LRRC41: variants seen among roughly 807,000 people sequenced by gnomAD.
LRRC41 encodes the protein leucine-rich repeat-containing protein 41.
A neutral mutation model predicts 72.1 loss-of-function variants in LRRC41; 17 were observed. That is an observed-to-expected ratio of 0.24 (90% CI 0.16 to 0.35). The LOEUF is 0.35. Among genes scored for constraint, LRRC41 ranks in the 10% least tolerant of loss-of-function variants. LRRC41 has a pLI of 1.00. For missense variants in LRRC41, 759 were observed against 1,065.0 expected (o/e 0.71, Z 4.00); for synonymous variants, 427 against 431.0 (o/e 0.99, Z 0.11).
chr1:46,288,866 C>G (rs374639479), intron 3 of LRRC41, among the ~76,000 whole-genome samples: 8 of 152,208 alleles, frequency 5.3e-5, no homozygotes, highest in African/African-American at 1.9e-4. Flanking sequence ...TGAGTGAAGG[C>G]AAAGAAGGTA....
chr1:46,279,559 A>G lies in LRRC41; in HGVS notation c.2076T>C (p.Pro692=), dbSNP rs1451149715. The G allele has an allele frequency of 6.2e-7, 1 of 1,614,136 alleles. No homozygotes were observed. Among genetic ancestry groups the G allele is most frequent in the Non-Finnish European group, 8.5e-7 (1 of 1,179,992 alleles). Residue 692 remains proline, a synonymous_variant, in exon 8 of 10, where the codon CCT becomes CCC. Coordinates refer to ENST00000617190, the MANE Select transcript of LRRC41 (RefSeq NM_006369.5). The surrounding 1 kb of genome is among the most constrained non-coding windows in gnomAD (Gnocchi z 4.5). ...TGCCCTTCATAGCAGCAACCATCTC[A>G]GGCAGAAATTGGGCTGGGCGCTTCT... ...LFEKRPAQFL[P]EMVAAMKGNS...
In LRRC41 at chr1:46,285,839, T is replaced by G. The variant is rs1364717512; in HGVS notation, c.1018A>C (p.Arg340=). 1 of 1,592,760 alleles carries G rather than the reference T, an allele frequency of 6.3e-7. No individual in the cohort carries two copies. The highest frequency in any genetic ancestry group is 1.8e-5 in the Admixed American group (1 of 56,080). Residue 340 remains arginine (R), a synonymous_variant, in exon 4 of 10, where the codon AGG becomes CGG. Transcript: ENST00000617190. This position sits in a 1 kb window ranked among gnomAD's most constrained non-coding sequence, Gnocchi z 5.3. The stretch of plus-strand genomic sequence containing the variant: ...GAGGTGGCTGGGGGGTGCAGCTCCC[T>G]CTTAAGGTCTGTTCCGCCTGCTGTC... ...SLTAGGTDLK[R]ELHPPATSHE... is the part of the protein sequence containing the mutation.
At chr1:46,300,514 G>A (rs1031554861) in intron 1 of LRRC41, 1 of 152,060 alleles carries the variant, frequency 6.6e-6, no homozygotes, top group Non-Finnish European at 1.5e-5. Flanking sequence ...GCTTTTACAC[G>A]AATGTAGTCC....
chr1:46,301,101 C>T (rs1417138311), intron 1 of LRRC41, among the ~76,000 whole-genome samples: 1 of 152,088 alleles, frequency 6.6e-6, no homozygotes, highest in African/African-American at 2.4e-5. Flanking sequence ...CCTCCAGAGC[C>T]TTACCCCTTT....
chr1:46,282,946 C>T (rs1459497471), intron 4 of LRRC41, among the ~76,000 whole-genome samples: 1 of 151,560 alleles, frequency 6.6e-6, no homozygotes. Context: ...ATTGCTTGGA[C>T]CCGAGAGGCG....
chr1:46,291,225 T>G (rs1315938486), intron 3 of LRRC41, among the ~76,000 whole-genome samples: 1 of 152,094 alleles, frequency 6.6e-6, no homozygotes, highest in Non-Finnish European at 1.5e-5. Context: ...TGCCTGACCC[T>G]GTTACTAGCT....
intron 4 of LRRC41, chr1:46,284,080 T>C (rs959061899): frequency 6.6e-6 from 1 of 152,210 alleles, no homozygotes; most frequent in Non-Finnish European, 1.5e-5. Flanking sequence ...CCTGATGACA[T>C]AGGTCCTTGC....
rs71062750 is a variant in LRRC41, at chr1:46,290,916, GT to G, written c.358-4418del. The stretch of plus-strand genomic sequence containing the variant: ...AGCCACCATGCCCGGCCTGTTTCTA[GT>G]TTTTTTTTTTTTTTTTTTTTTTTTT... On this transcript the variant is annotated intron_variant, in intron 3 of 9. Transcript: ENST00000617190. 4.7e-3 allele frequency among the ~76,000 whole-genome samples: 310 copies of G among 65,718 alleles called. 5 individuals carry two copies. The highest frequency in any genetic ancestry group is 0.015 in the African/African-American group (273 of 17,804). 43.1% of individuals were successfully genotyped at this position (65,718 alleles called of 152,430 possible).
intron 3 of LRRC41, among the ~76,000 whole-genome samples, chr1:46,294,606 T>C (rs1661086645): frequency 6.7e-6 from 1 of 148,334 alleles, no homozygotes; most frequent in Non-Finnish European, 1.5e-5. Flanking sequence ...TTTTTTTTTT[T>C]TTTTTTGAGT....
intron 5 of LRRC41, among the ~76,000 whole-genome samples, 198 bp downstream of exon 5, chr1:46,280,927 T>C (rs1197454507): frequency 1.3e-5 from 2 of 152,220 alleles, no homozygotes; most frequent in Non-Finnish European, 2.9e-5. Flanking sequence ...GGTCACTCTC[T>C]GCTGGTCTTA....
intron 1 of LRRC41, chr1:46,299,007 T>C (rs1203440887): frequency 1.3e-5 from 2 of 152,302 alleles, no homozygotes; most frequent in African/African-American, 4.8e-5. Context: ...TACCATCCTT[T>C]GGGCTACTGC....
At chr1:46,282,263 T>C (rs1660794359) in intron 4 of LRRC41, among the ~76,000 whole-genome samples, 1 of 152,120 alleles carries the variant, frequency 6.6e-6, no homozygotes, top group Admixed American at 6.6e-5. Flanking sequence ...AGAGTGACAG[T>C]GACCCAACTG....
Position 46,278,116 on chromosome 1 carries a change from C to T in LRRC41, c.*749G>A, listed in dbSNP as rs752210354. The T allele has an allele frequency of 2.5e-6, 4 of 1,613,846 alleles. No homozygotes were observed. Among genetic ancestry groups the T allele is most frequent in the Admixed American group, 3.3e-5 (2 of 59,980 alleles). On this transcript the variant is annotated 3_prime_UTR_variant, in exon 10 of 10. Transcript: ENST00000617190. ...GTCAACAGCCGTCAGATCCGGCCACCCCCTGATGGTTCTGACTGCACTTCA... is the reference window on the plus strand; with the variant it reads ...GTCAACAGCCGTCAGATCCGGCCACTCCCTGATGGTTCTGACTGCACTTCA...
chr1:46,281,093 GCACA>G (rs986815965), intron 5 of LRRC41, 28 bp downstream of exon 5: 6 of 1,609,222 alleles, frequency 3.7e-6, no homozygotes, highest in South Asian at 3.3e-5. Flanking sequence ...ACACGTGCGT[GCACA>G]CACACAAACA....
intron 3 of LRRC41, among the ~76,000 whole-genome samples, chr1:46,291,672 G>A (rs1661021931): frequency 6.9e-6 from 1 of 145,720 alleles, no homozygotes; most frequent in African/African-American, 2.6e-5. Context: ...TGATTCTCCT[G>A]CCTCAGCCTC....
chr1:46,297,641 G>A lies in LRRC41; in HGVS notation c.287-8C>T, dbSNP rs1661150779. On this transcript the variant is annotated splice_region_variant and splice_polypyrimidine_tract_variant and intron_variant, in intron 2 of 9. Transcript: ENST00000617190. The stretch of plus-strand genomic sequence containing the variant: ...TGGCCTGAGTTGAGAGGCCTGTAAG[G>A]AGAAATATCACACTTGGCTGCTTAC... 1 of 1,610,436 alleles carries A rather than the reference G, an allele frequency of 6.2e-7. No homozygotes were observed. The highest frequency in any genetic ancestry group is 1.3e-5 in the African/African-American group (1 of 74,958).
chr1:46,280,176 T>G lies in LRRC41; in HGVS notation c.2020+16A>C. The G allele has an allele frequency of 6.2e-7, 1 of 1,602,174 alleles. No homozygotes were observed. Among genetic ancestry groups the G allele is most frequent in the Non-Finnish European group, 8.6e-7 (1 of 1,169,090 alleles). Reference sequence around the variant, plus strand: ...GAAGACCCAGGAAATGTCCAGGTTCTGAATAAGGAACTTACCTTGCAGAGT... The same window carrying G: ...GAAGACCCAGGAAATGTCCAGGTTCGGAATAAGGAACTTACCTTGCAGAGT... On this transcript the variant is annotated intron_variant, in intron 7 of 9. Transcript: ENST00000617190.
At position 46,299,878 on chromosome 1, in the gene LRRC41, C is replaced by CAAATAAAATAAAATAAAATA. The variant is rs57732544; in HGVS notation, c.200-1528_200-1509dup. Reference sequence around the variant, plus strand: ...GGCGACAGAGCAAGACTCTGTCTCACAAATAAAATAAAATAAAATAAAATA... The same window carrying CAAATAAAATAAAATAAAATA: ...GGCGACAGAGCAAGACTCTGTCTCACAAATAAAATAAAATAAAATAAAATAAAATAAAATAAAATAAAATA... On this transcript the variant is annotated intron_variant, in intron 1 of 9. Coordinates refer to ENST00000617190, the MANE Select transcript of LRRC41 (RefSeq NM_006369.5). 2.0e-4 allele frequency: 30 copies of CAAATAAAATAAAATAAAATA among 151,164 alleles called. No homozygotes were observed. In the South Asian group the frequency reaches 2.3e-3, roughly 12 times the overall value. 9.4% of individuals were successfully genotyped at this position (151,164 alleles called of 1,614,324 possible).
intron 3 of LRRC41, among the ~76,000 whole-genome samples, chr1:46,287,266 G>T (rs914261720): frequency 6.6e-6 from 1 of 151,966 alleles, no homozygotes; most frequent in African/African-American, 2.4e-5. Context: ...CCGCCACCAC[G>T]CCAGGCTAAT....
Sources: gnomAD v4.1 joint callset for allele counts (sites outside exome capture counted in the v4.1 genomes callset) on GRCh38, gnomAD v4.1.1 for gene constraint, Gnocchi (gnomAD v3.1) non-coding constraint, MANE v1.5 for transcripts, NCBI Gene and HGNC (gene_info 2026-07-23, HGNC 2026-07-21) for gene names.